Variants in BNIPL observed in about 807,000 individuals in gnomAD.
BNIPL encodes the protein bcl-2/adenovirus E1B 19 kDa-interacting protein 2-like protein.
A neutral mutation model predicts 47.0 loss-of-function variants in BNIPL; 33 were observed. The observed-to-expected ratio is 0.70, with a 90% confidence interval of 0.53 to 0.94. The LOEUF is 0.94. Among genes scored for constraint, BNIPL ranks in the 40% least tolerant of loss-of-function variants. BNIPL has a pLI of 0.00. For missense variants in BNIPL, 404 were observed against 445.2 expected (o/e 0.91, Z 0.83); for synonymous variants, 145 against 162.7 (o/e 0.89, Z 0.83).
intron 7 of BNIPL, chr1:151,044,852 T>A: frequency 7.8e-7 from 1 of 1,290,258 alleles, no homozygotes; most frequent in Non-Finnish European, 1.0e-6. Context: ...TTTCCTTTTT[T>A]CGTCCTTGCT....
intron 4 of BNIPL, among the ~76,000 whole-genome samples, chr1:151,039,987 G>A (rs1423054353): frequency 6.6e-6 from 1 of 152,194 alleles, no homozygotes; most frequent in Non-Finnish European, 1.5e-5. Flanking sequence ...CTGGCCTCAA[G>A]TGATCCACCT....
At chr1:151,044,561 G>A (rs113322990) in intron 7 of BNIPL, among the ~76,000 whole-genome samples, 1 of 152,216 alleles carries the variant, frequency 6.6e-6, no homozygotes, top group Non-Finnish European at 1.5e-5. Flanking sequence ...TCCCACCTCA[G>A]CCTTCCAAGT....
rs202172688 is a variant in BNIPL, at chr1:151,040,795, CAA to C, written c.433+1786_433+1787del. Among the ~76,000 whole-genome samples, 430 of 121,976 alleles carry C rather than the reference CAA, an allele frequency of 3.5e-3. 1 individual carries two copies. Among genetic ancestry groups the C allele is most frequent in the African/African-American group, 9.1e-3 (271 of 29,904 alleles). The allele number at this position is 121,976 out of a possible 152,430, so 80.0% of individuals were successfully genotyped here. The stretch of plus-strand genomic sequence containing the variant: ...GGGCGACAAGAGCAAAACTCCATCT[CAA>C]AAAAAAAAAAAAAAAAGAAGAAGCA... On this transcript the variant is annotated intron_variant, in intron 4 of 9. Coordinates refer to ENST00000368931, the MANE Select transcript of BNIPL (RefSeq NM_138278.4).
intron 4 of BNIPL, among the ~76,000 whole-genome samples, chr1:151,040,523 C>T (rs1238095265): frequency 6.6e-6 from 1 of 151,004 alleles, no homozygotes. Context: ...AGGCTGGGAG[C>T]GGTGGCTCAC....
At position 151,047,268 on chromosome 1, in the gene BNIPL, G is replaced by A. The variant is rs1183611213; in HGVS notation, c.*581G>A. ...AGCCACCGCGCTCGGCCAGAGCTCT[G>A]GGTTTTAATCCTACTTTAGCTGTAG... On this transcript the variant is annotated 3_prime_UTR_variant, in exon 10 of 10. Transcript: ENST00000368931. 1 of 153,090 alleles carries A rather than the reference G, an allele frequency of 6.5e-6. No individual in the cohort carries two copies. Among genetic ancestry groups the A allele is most frequent in the East Asian group, 1.9e-4 (1 of 5,182 alleles). 9.5% of individuals were successfully genotyped at this position (153,090 alleles called of 1,614,324 possible). A position where few individuals can be genotyped will look rare whatever the true frequency, so the allele number is the denominator to read the frequency against.
At chr1:151,038,311 C>A in intron 2 of BNIPL, 193 bp from the exon 3 acceptor site, 1 of 595,496 alleles carries the variant, frequency 1.7e-6, no homozygotes, top group East Asian at 2.8e-5. Context: ...GAGGTAGAGG[C>A]TGCAGTGAGC....
intron 7 of BNIPL, chr1:151,044,917 A>C (rs1482065165): frequency 7.8e-7 from 1 of 1,290,304 alleles, no homozygotes; most frequent in East Asian, 5.6e-5. Context: ...GCGATGTAGA[A>C]GCATGCAAAA....
At position 151,046,496 on chromosome 1, in the gene BNIPL, G is replaced by T. The variant is rs1032879905; in HGVS notation, c.1038-155G>T. Among the ~76,000 whole-genome samples the T allele has an allele frequency of 8.7e-5, 13 of 148,744 alleles. No homozygotes were observed. In the East Asian group the frequency reaches 9.6e-4, roughly 11 times the overall value. ...TGGCAGTGAACAGATGATATCCAGTGGGGGAGAGGGTGTTAGGGAGCAAAA... is the reference window on the plus strand; with the variant it reads ...TGGCAGTGAACAGATGATATCCAGTTGGGGAGAGGGTGTTAGGGAGCAAAA... On this transcript the variant is annotated intron_variant, in intron 9 of 9. Transcript: ENST00000368931.
At chr1:151,040,014 G>A (rs1675762792) in intron 4 of BNIPL, among the ~76,000 whole-genome samples, 1 of 152,170 alleles carries the variant, frequency 6.6e-6, no homozygotes, top group African/African-American at 2.4e-5. Context: ...GCCTCCCAGT[G>A]TGCTGGGATT....
At chr1:151,042,855 T>C in intron 4 of BNIPL, 101 bp from the exon 5 acceptor site, 1 of 960,404 alleles carries the variant, frequency 1.0e-6, no homozygotes, top group Admixed American at 3.0e-5. Flanking sequence ...AAAAATTGAG[T>C]AATGACAGAT....
At position 151,039,003 on chromosome 1, in the gene BNIPL, G is replaced by C; in HGVS notation, c.410G>C (p.Ser137Thr). 1 of 1,590,196 alleles carries C rather than the reference G, an allele frequency of 6.3e-7. No homozygotes were observed. Among genetic ancestry groups the C allele is most frequent in the Non-Finnish European group, 8.6e-7 (1 of 1,169,564 alleles). Residue 137 changes from serine to threonine, a missense_variant, in exon 4 of 10, where the codon AGT (serine) becomes ACT (threonine). Ser to Thr is a moderately conservative substitution (Grantham distance 58). Coordinates refer to ENST00000368931, the MANE Select transcript of BNIPL (RefSeq NM_138278.4). ...CCTTCAGACTCGGAGCAGCTGGACA[G>C]TGGACATGAATTTGAATGGGAAGGT... ...ETPSDSEQLD[S>T]GHEFEWEDEL...
chr1:151,037,368 T>C, intron 1 of BNIPL, 199 bp from the exon 2 acceptor site: 2 of 1,313,028 alleles, frequency 1.5e-6, no homozygotes, highest in Non-Finnish European at 2.0e-6. Flanking sequence ...CCATCTTTCG[T>C]CTGCTCCCAA....
intron 7 of BNIPL, chr1:151,044,906 A>G (rs1448292719): frequency 7.8e-7 from 1 of 1,289,820 alleles, no homozygotes; most frequent in Admixed American, 2.3e-5. Flanking sequence ...TTGGTCATGG[A>G]GCGATGTAGA....
intron 1 of BNIPL, among the ~76,000 whole-genome samples, chr1:151,036,990 AG>A (rs1482671142): frequency 6.7e-6 from 1 of 149,606 alleles, no homozygotes; most frequent in African/African-American, 2.5e-5. Flanking sequence ...TTAAAAATAA[AG>A]GAAGTTTCTG....
intron 6 of BNIPL, 29 bp from the exon 7 acceptor site, chr1:151,043,567 A>G: frequency 1.2e-6 from 2 of 1,601,548 alleles, no homozygotes; most frequent in Non-Finnish European, 1.7e-6. Flanking sequence ...CCCCTAACAC[A>G]TACCTTCCCT....
At chr1:151,043,254 G>A in intron 5 of BNIPL, 78 bp from the exon 6 acceptor site, 2 of 1,513,322 alleles carry the variant, frequency 1.3e-6, no homozygotes, top group Non-Finnish European at 1.8e-6. Context: ...GACCCTCAGA[G>A]TCCCTCAACT....
At chr1:151,045,991 T>C (rs587611414) in intron 8 of BNIPL, 76 bp from the exon 9 acceptor site, 5 of 1,612,430 alleles carry the variant, frequency 3.1e-6, no homozygotes, top group Middle Eastern at 1.7e-4. Context: ...ACTCTACTTC[T>C]ACATTTTTCT....
intron 4 of BNIPL, among the ~76,000 whole-genome samples, chr1:151,040,795 CAAAA>C (rs202172688): frequency 2.0e-4 from 24 of 122,064 alleles, no homozygotes; most frequent in African/African-American, 6.7e-4. Flanking sequence ...AACTCCATCT[CAAAA>C]AAAAAAAAAA....
chr1:151,037,830 G>T (rs754646864), intron 2 of BNIPL, among the ~76,000 whole-genome samples, 168 bp downstream of exon 2: 1 of 150,622 alleles, frequency 6.6e-6, no homozygotes, highest in Non-Finnish European at 1.5e-5. Context: ...GTGAAATCCC[G>T]TCTCTACTAA....
Sources: gnomAD v4.1 joint callset for allele counts (sites outside exome capture counted in the v4.1 genomes callset) on GRCh38, gnomAD v4.1.1 for gene constraint, MANE v1.5 for transcripts, NCBI Gene and HGNC (gene_info 2026-07-23, HGNC 2026-07-21) for gene names.